IRAK1BP1: variants seen among roughly 807,000 people sequenced by gnomAD.
The protein encoded by IRAK1BP1 is interleukin 1 receptor associated kinase 1 binding protein 1.
In IRAK1BP1, 24 loss-of-function variants were observed where a neutral mutation model predicts 28.0. The observed-to-expected ratio is 0.86, with a 90% CI of 0.62 to 1.20. IRAK1BP1 has a LOEUF of 1.20. Among genes scored for constraint, IRAK1BP1 ranks in the 50% most tolerant of loss-of-function variants. The pLI, the probability that IRAK1BP1 is intolerant of heterozygous loss-of-function variation, is 0.00. For synonymous variants in IRAK1BP1, 131 were observed against 116.3 expected (o/e 1.13, Z -0.81); for missense variants, 336 against 316.7 (o/e 1.06, Z -0.46).
chr6:78,973,874 A>G, the IRAK1BP1 span, among the ~76,000 whole-genome samples: 1 of 151,770 alleles, frequency 6.6e-6, no homozygotes, highest in Non-Finnish European at 1.5e-5. Context: ...AGATTCATAA[A>G]GCAAGTCTTG....
At chr6:78,946,045 G>A (rs1773793617) in exon 5 of IRAK1BP1, 3 of 1,612,272 alleles carry the variant, frequency 1.9e-6, no homozygotes, top group Non-Finnish European at 2.5e-6. Flanking sequence ...TGTAATAAAA[G>A]TCTTTGCAGC....
At chr6:78,944,067 G>A (rs1022186621) in intron 4 of IRAK1BP1, among the ~76,000 whole-genome samples, 6 of 147,796 alleles carry the variant, frequency 4.1e-5, no homozygotes, top group East Asian at 2.0e-4. Flanking sequence ...TAAAGAAGAC[G>A]ATATTTTAAG....
chr6:78,970,600 T>C, the IRAK1BP1 span, among the ~76,000 whole-genome samples: 1 of 152,136 alleles, frequency 6.6e-6, no homozygotes, highest in Non-Finnish European at 1.5e-5. Context: ...ATAAATTCAG[T>C]CAAATCTTGT....
intron 4 of IRAK1BP1, among the ~76,000 whole-genome samples, chr6:78,944,112 A>AG (rs934187535): frequency 1.3e-5 from 2 of 151,716 alleles, no homozygotes; most frequent in African/African-American, 4.9e-5. Flanking sequence ...TTAAACTAGG[A>AG]GGGAAAAAAA....
intron 4 of IRAK1BP1, among the ~76,000 whole-genome samples, chr6:78,921,098 C>A (rs138907711): frequency 0.011 from 1,726 of 152,274 alleles, 31 homozygotes; most frequent in African/African-American, 0.039. Flanking sequence ...GGGTGCAGTG[C>A]ACTGAACATG....
the IRAK1BP1 span, among the ~76,000 whole-genome samples, chr6:78,962,001 C>A: frequency 6.6e-6 from 1 of 152,104 alleles, no homozygotes; most frequent in Non-Finnish European, 1.5e-5. Flanking sequence ...TTTACACTGC[C>A]AAATTCTAGG....
downstream of IRAK1BP1, chr6:78,946,941 G>T: frequency 1.2e-6 from 1 of 863,684 alleles, no homozygotes; most frequent in Non-Finnish European, 1.8e-6. Context: ...AGTAAATACT[G>T]TAATGTAAAT....
chr6:78,885,213 AATTC>A lies in IRAK1BP1; in HGVS notation c.316-161_316-158del, dbSNP rs577024297. ...AAATTTTAAGCAAAATCAATTTCTG[AATTC>A]ATTTTATGTCACTTTTAGGAAAGTT... On this transcript the variant is annotated intron_variant, in intron 1 of 3. Transcript: ENST00000369940. Among the ~76,000 whole-genome samples the A allele has an allele frequency of 8.3e-4, 127 of 152,246 alleles. 1 individual carries two copies. The Middle Eastern group carries it at 0.02, about 24-fold the overall frequency.
At chr6:78,909,240 G>A (rs1042061449) in intron 4 of IRAK1BP1, among the ~76,000 whole-genome samples, 1 of 152,162 alleles carries the variant, frequency 6.6e-6, no homozygotes, top group Non-Finnish European at 1.5e-5. Flanking sequence ...AATATGTCCA[G>A]ACAAGCCCAT....
chr6:78,897,733 C>A, intron 2 of IRAK1BP1, 96 bp from the exon 3 acceptor site: 2 of 975,718 alleles, frequency 2.0e-6, no homozygotes, highest in Non-Finnish European at 1.5e-6. Context: ...ATAAAATGAC[C>A]TCATAGTCTG....
At chr6:78,975,889 G>A in the IRAK1BP1 span, among the ~76,000 whole-genome samples, 1 of 149,698 alleles carries the variant, frequency 6.7e-6, no homozygotes, top group African/African-American at 2.4e-5. Flanking sequence ...ACAAACAAAT[G>A]GAAGAACATT....
intron 1 of IRAK1BP1, chr6:78,871,163 A>G (rs911740597): frequency 9.9e-6 from 6 of 603,944 alleles, no homozygotes; most frequent in African/African-American, 4.1e-5. Context: ...TTTGGTATAT[A>G]GTGAATGCTA....
the IRAK1BP1 span, among the ~76,000 whole-genome samples, chr6:78,972,038 G>A: frequency 2.5e-4 from 38 of 152,230 alleles, 1 homozygote; most frequent in South Asian, 7.5e-3. Flanking sequence ...AGCTCAAGGA[G>A]GCCTGCCTGC....
At chr6:78,941,375 T>C in intron 4 of IRAK1BP1, 2 of 1,457,398 alleles carry the variant, frequency 1.4e-6, no homozygotes, top group African/African-American at 1.4e-5. Flanking sequence ...GTTTCTTTTT[T>C]TGTTTGACTC....
the IRAK1BP1 span, among the ~76,000 whole-genome samples, chr6:78,974,682 A>G: frequency 6.6e-6 from 1 of 152,366 alleles, no homozygotes; most frequent in East Asian, 1.9e-4. Flanking sequence ...AAAAAATGAT[A>G]AAGGGGATAT....
In IRAK1BP1 at chr6:78,887,621, G is replaced by A. The variant is rs551686549; in HGVS notation, c.381+2178G>A. Among the ~76,000 whole-genome samples the A allele has an allele frequency of 3.9e-5, 6 of 152,130 alleles. No homozygotes were observed. The South Asian group carries it at 1.2e-3, about 32-fold the overall frequency. On this transcript the variant is annotated intron_variant, in intron 2 of 3. Coordinates refer to ENST00000369940, the MANE Select transcript of IRAK1BP1 (RefSeq NM_001010844.4). The stretch of plus-strand genomic sequence containing the variant: ...GTGGAGGTTGCAATGAGCCAAGATT[G>A]TGCCACTGCACTCCAGCCTGGGCGA...
At chr6:78,965,143 T>C in the IRAK1BP1 span, among the ~76,000 whole-genome samples, 2 of 152,224 alleles carry the variant, frequency 1.3e-5, no homozygotes, top group African/African-American at 2.4e-5. Context: ...TATATCTTCA[T>C]TGAGCTCTTA....
the IRAK1BP1 span, among the ~76,000 whole-genome samples, chr6:78,971,068 G>A: frequency 1.3e-5 from 2 of 152,042 alleles, no homozygotes; most frequent in South Asian, 2.1e-4. Flanking sequence ...TAACCAAAGT[G>A]TTCTAAATAA....
At chr6:78,905,086 C>T (rs529814058), downstream of IRAK1BP1, among the ~76,000 whole-genome samples, 83 of 152,174 alleles carry the variant, frequency 5.5e-4, no homozygotes, top group Non-Finnish European at 1.1e-3. Flanking sequence ...TGAGAATTTA[C>T]AGTATCCCAA....
Sources: allele counts gnomAD v4.1 joint callset (sites outside exome capture counted in the v4.1 genomes callset), GRCh38; gene constraint gnomAD v4.1.1; transcripts MANE v1.5; gene names NCBI Gene and HGNC (gene_info 2026-07-23, HGNC 2026-07-21).